The following DSE variants were observed in gnomAD, a reference collection of about 807,000 sequenced individuals.
DSE encodes dermatan sulfate epimerase, also known as dermatan-sulfate epimerase.
In DSE, 36 loss-of-function variants were observed where a neutral mutation model predicts 84.4. The observed-to-expected ratio is 0.43, with a 90% CI of 0.33 to 0.56. The LOEUF (loss-of-function observed/expected upper bound fraction) is 0.56. DSE is among the 20% of genes least tolerant of loss of function. The pLI is 0.06. For missense variants in DSE, 862 were observed against 1,169.6 expected (o/e 0.74, Z 3.84); for synonymous variants, 410 against 430.1 (o/e 0.95, Z 0.58).
chr6:116,313,712 G>A (rs746747578), intron 2 of DSE, among the ~76,000 whole-genome samples: 1 of 152,144 alleles, frequency 6.6e-6, no homozygotes, highest in African/African-American at 2.4e-5. Flanking sequence ...TTTAGTTACA[G>A]CATTAATTCC....
chr6:116,378,589 T>C (rs1780059159), intron 1 of DSE, among the ~76,000 whole-genome samples: 1 of 152,182 alleles, frequency 6.6e-6, no homozygotes, highest in African/African-American at 2.4e-5. Flanking sequence ...AGGTCATTTT[T>C]CCTCCATATT....
At chr6:116,370,545 T>G (rs966461031), upstream of DSE, 1 of 979,054 alleles carries the variant, frequency 1.0e-6, no homozygotes, top group Non-Finnish European at 1.2e-6. Flanking sequence ...CAGAGTAGTA[T>G]GGAAGCATCA....
At chr6:116,272,232 A>G (rs1772913273) in intron 2 of DSE, among the ~76,000 whole-genome samples, 1 of 152,164 alleles carries the variant, frequency 6.6e-6, no homozygotes, top group African/African-American at 2.4e-5. Flanking sequence ...GGCTGTTTCT[A>G]GTTTGGGGCT....
At chr6:116,289,038 C>G (rs60678552) in intron 2 of DSE, among the ~76,000 whole-genome samples, 19,057 of 151,932 alleles carry the variant, frequency 0.13, 1,273 homozygotes, top group South Asian at 0.15. Context: ...TGTTGCTTCA[C>G]TATAAAACTT....
intron 2 of DSE, among the ~76,000 whole-genome samples, chr6:116,306,066 G>T (rs1775325982): frequency 6.6e-6 from 1 of 152,060 alleles, no homozygotes; most frequent in African/African-American, 2.4e-5. Flanking sequence ...ATGTGTATGT[G>T]TGTATAGATA....
At chr6:116,390,148 A>G (rs2114971246) in intron 1 of DSE, among the ~76,000 whole-genome samples, 1 of 151,970 alleles carries the variant, frequency 6.6e-6, no homozygotes, top group African/African-American at 2.4e-5. Flanking sequence ...GCTCACTGCA[A>G]CTTCTGCCAC....
At chr6:116,271,200 C>G (rs1772863126) in intron 2 of DSE, among the ~76,000 whole-genome samples, 6 of 152,208 alleles carry the variant, frequency 3.9e-5, no homozygotes, top group Admixed American at 3.9e-4. Context: ...GAGTTTAGGA[C>G]AATGGTTCCC....
At chr6:116,316,543 A>G (rs79382527) in intron 2 of DSE, among the ~76,000 whole-genome samples, 3,544 of 151,964 alleles carry the variant, frequency 0.023, 54 homozygotes, top group Non-Finnish European at 0.034. Context: ...CCAGTTTTCA[A>G]TTAATGAACC....
chr6:116,279,331 A>T (rs1207511408), intron 2 of DSE: 6 of 1,610,528 alleles, frequency 3.7e-6, no homozygotes, highest in Admixed American at 3.3e-5. Context: ...CCTCTCAGCC[A>T]CGGCTGCTGA....
chr6:116,322,554 C>A (rs1047387145), intron 2 of DSE, among the ~76,000 whole-genome samples: 16 of 151,674 alleles, frequency 1.1e-4, no homozygotes, highest in African/African-American at 2.4e-4. Flanking sequence ...TCTGCCCCCC[C>A]ACCCCAATTA....
chr6:116,319,686 T>TG (rs1776190071), intron 2 of DSE, among the ~76,000 whole-genome samples: 2 of 152,240 alleles, frequency 1.3e-5, no homozygotes, highest in African/African-American at 4.8e-5. Flanking sequence ...TTATGGCCTT[T>TG]GGGGTAAATA....
At chr6:116,270,725 A>G (rs1321219524) in intron 2 of DSE, among the ~76,000 whole-genome samples, 1 of 152,236 alleles carries the variant, frequency 6.6e-6, no homozygotes, top group Non-Finnish European at 1.5e-5. Flanking sequence ...AATTAGGAAT[A>G]ACTTTCAACT....
At chr6:116,299,711 G>A (rs753954990) in intron 2 of DSE, among the ~76,000 whole-genome samples, 27 of 151,704 alleles carry the variant, frequency 1.8e-4, no homozygotes, top group Admixed American at 1.5e-3. Context: ...TCTAAAGTTT[G>A]AACAATACTA....
chr6:116,436,525 T>A lies in DSE; in HGVS notation c.2057T>A (p.Phe686Tyr). The stretch of plus-strand genomic sequence containing the variant: ...GGAGACTCTCAGCAACTGGATGTGT[T>A]CATAGCCACCAGCAAACATGCCTAC... ...VHGDSQQLDV[F>Y]IATSKHAYAT... The change falls in exon 6 of 6, where the codon TTC becomes TAC. Residue 686 changes from phenylalanine to tyrosine, a missense_variant. Around this residue, in one of 4 missense-constraint regions of DSE, gnomAD observed 315 missense variants for 348.1 expected, o/e 0.90. Transcript: ENST00000644252. The A allele has an allele frequency of 1.2e-6, 2 of 1,614,146 alleles. No homozygotes were observed. Among genetic ancestry groups the A allele is most frequent in the Non-Finnish European group, 1.7e-6 (2 of 1,179,990 alleles).
At chr6:116,270,842 A>T (rs143006263) in intron 2 of DSE, among the ~76,000 whole-genome samples, 161 of 152,330 alleles carry the variant, frequency 1.1e-3, no homozygotes, top group Middle Eastern at 3.4e-3. Context: ...GGAAATGAGA[A>T]ACCCTAATTG....
At chr6:116,275,767 C>T (rs1006558011) in intron 2 of DSE, among the ~76,000 whole-genome samples, 3 of 150,046 alleles carry the variant, frequency 2.0e-5, no homozygotes, top group Non-Finnish European at 2.9e-5. Context: ...GCCACTTGCG[C>T]TCCAGCCTGG....
intron 2 of DSE, chr6:116,400,367 C>G (rs1174284367): frequency 1.3e-5 from 2 of 152,112 alleles, no homozygotes; most frequent in African/African-American, 4.8e-5. Context: ...GATGTTTTTA[C>G]TCATGCAATT....
intron 2 of DSE, 89 bp downstream of exon 2, chr6:116,399,755 G>T: frequency 7.8e-7 from 1 of 1,284,960 alleles, no homozygotes; most frequent in South Asian, 1.4e-5. Flanking sequence ...AGATCTTCAT[G>T]TACCTCTTTG....
chr6:116,399,090 A>G, intron 1 of DSE, 108 bp from the exon 2 acceptor site: 1 of 904,820 alleles, frequency 1.1e-6, no homozygotes, highest in Non-Finnish European at 1.6e-6. Flanking sequence ...AAAAATCTAA[A>G]TTCATAAGCT....
Sources: gnomAD v4.1 joint callset for allele counts (sites outside exome capture counted in the v4.1 genomes callset) on GRCh38, gnomAD v4.1.1 for gene constraint, gnomAD v4.1.1 regional missense constraint, MANE v1.5 for transcripts, NCBI Gene and HGNC (gene_info 2026-07-23, HGNC 2026-07-21) for gene names.